Variants in ST7L observed in about 807,000 individuals in gnomAD.
The protein encoded by ST7L is suppressor of tumorigenicity 7 protein-like.
ST7L carries 57 observed loss-of-function variants against 72.5 expected under a neutral mutation model. That is an observed-to-expected ratio of 0.79 (90% CI 0.64 to 0.98). The LOEUF is 0.98. Ranked by LOEUF, ST7L falls within the 50% of genes least tolerant of loss-of-function variation. ST7L has a pLI of 0.00. For synonymous variants in ST7L, 221 were observed against 240.9 expected, an observed-to-expected ratio of 0.92 and a Z score of 0.77; for missense variants, 576 against 672.2, an observed-to-expected ratio of 0.86 and a Z score of 1.58.
intron 3 of ST7L, among the ~76,000 whole-genome samples, chr1:112,605,934 T>C (rs980732511): frequency 6.6e-6 from 1 of 152,218 alleles, no homozygotes; most frequent in Non-Finnish European, 1.5e-5. Context: ...TCATTCTTCC[T>C]TTTCTTTGAA....
chr1:112,592,024 GTCTT>G (rs572360795), intron 5 of ST7L, among the ~76,000 whole-genome samples: 1 of 151,682 alleles, frequency 6.6e-6, no homozygotes, highest in East Asian at 1.9e-4. Flanking sequence ...TAAAAACAAA[GTCTT>G]TGTCTAATGA....
chr1:112,562,780 C>T (rs189124864), intron 11 of ST7L, among the ~76,000 whole-genome samples: 15 of 152,238 alleles, frequency 9.9e-5, no homozygotes, highest in African/African-American at 3.6e-4. Flanking sequence ...CAATCGGGAA[C>T]AAGCAGAGGT....
intron 8 of ST7L, 34 bp from the exon 9 acceptor site, chr1:112,582,140 A>G: frequency 6.8e-7 from 1 of 1,472,344 alleles, no homozygotes; most frequent in Non-Finnish European, 9.4e-7. Context: ...GATTAAAATC[A>G]TAACAAAGGA....
rs1490801387 is a variant in ST7L, at chr1:112,617,777, C to G, written c.206-882G>C. 1.3e-5 allele frequency among the ~76,000 whole-genome samples: 2 copies of G among 150,614 alleles called. 1 individual carries two copies. Among genetic ancestry groups the G allele is most frequent in the East Asian group, 3.9e-4 (2 of 5,128 alleles). ...CACACGAAACGTAAAAAAGAAAAAT[C>G]TATAGTAATCAACTATTCTCATCTA... On this transcript the variant is annotated intron_variant, in intron 1 of 14. Transcript: ENST00000358039.
intron 9 of ST7L, among the ~76,000 whole-genome samples, chr1:112,578,920 G>A (rs1305977619): frequency 6.6e-6 from 1 of 152,222 alleles, no homozygotes; most frequent in Non-Finnish European, 1.5e-5. Flanking sequence ...TGAAAAAGCT[G>A]AATCTGAATC....
In ST7L at chr1:112,537,461, CTT is replaced by C. The variant is rs1251686350; in HGVS notation, c.1629+4488_1629+4489del. Among the ~76,000 whole-genome samples the C allele has an allele frequency of 3.9e-5, 6 of 152,274 alleles. No individual in the cohort carries two copies. In the South Asian group the frequency reaches 8.3e-4, roughly 21 times the overall value. On this transcript the variant is annotated intron_variant, in intron 14 of 14. Coordinates refer to ENST00000358039, the MANE Select transcript of ST7L (RefSeq NM_017744.5). The stretch of plus-strand genomic sequence containing the variant: ...TTCCCAAGCCTTGCTAAGAAGAACA[CTT>C]TTCTTGCAAGAGAAATTAAAGGGGC...
At chr1:112,574,614 A>G (rs748709551) in intron 11 of ST7L, among the ~76,000 whole-genome samples, 10 of 151,178 alleles carry the variant, frequency 6.6e-5, no homozygotes, top group African/African-American at 1.2e-4. Flanking sequence ...AGCCTAGATC[A>G]CGCCACTGCA....
At chr1:112,596,762 C>T (rs1666542477) in intron 5 of ST7L, among the ~76,000 whole-genome samples, 1 of 152,028 alleles carries the variant, frequency 6.6e-6, no homozygotes, top group South Asian at 2.1e-4. Flanking sequence ...CTCAGCCTCC[C>T]GAGTAGCTGG....
intron 11 of ST7L, among the ~76,000 whole-genome samples, chr1:112,565,942 C>T (rs560656828): frequency 6.6e-5 from 10 of 151,892 alleles, no homozygotes; most frequent in East Asian, 3.9e-4. Context: ...GCCCACCAGG[C>T]TGAGGCTGCA....
chr1:112,576,352 A>G (rs921823756), intron 11 of ST7L, among the ~76,000 whole-genome samples: 33 of 152,182 alleles, frequency 2.2e-4, no homozygotes, highest in African/African-American at 7.2e-4. Context: ...TCGGCCTCCC[A>G]AAGTGTTGAG....
Position 112,582,376 on chromosome 1 carries a change from T to C in ST7L, c.953A>G (p.Asp318Gly), listed in dbSNP as rs542543795. The C allele has an allele frequency of 1.9e-6, 3 of 1,594,976 alleles. No individual in the cohort carries two copies. The African/African-American group carries it at 4.0e-5, about 21-fold the overall frequency. ...RIREAVKIMRDLMKEFPPLTM... is the reference protein window; with the variant it reads ...RIREAVKIMRGLMKEFPPLTM... ...TAGTCCCATCATCAATTTACTTACA[T>C]CTCTCATTATTTTTACTGCTTCTCT... Residue 318 changes from aspartate (D) to glycine (G), a missense_variant and splice_region_variant, in exon 8 of 15, where the codon GAT (aspartate) becomes GGT (glycine). Transcript: ENST00000358039.
chr1:112,539,655 CAAAAAA>C (rs11372554), intron 14 of ST7L: 146 of 764,512 alleles, frequency 1.9e-4, no homozygotes, highest in South Asian at 9.7e-4. Flanking sequence ...GACTCTGTTT[CAAAAAA>C]AAAAAAAAAA....
At chr1:112,608,048 T>G (rs1280940110) in intron 3 of ST7L, among the ~76,000 whole-genome samples, 2 of 152,054 alleles carry the variant, frequency 1.3e-5, no homozygotes, top group Non-Finnish European at 2.9e-5. Flanking sequence ...GGAGAGAGGG[T>G]CTTGCTCTGT....
Position 112,541,825 on chromosome 1 carries a change from C to T in ST7L, c.1629+126G>A, listed in dbSNP as rs941640315. 6 of 1,450,550 alleles carry T rather than the reference C, an allele frequency of 4.1e-6. No homozygotes were observed. The African/African-American group carries it at 7.2e-5, about 17-fold the overall frequency. 89.9% of individuals were successfully genotyped at this position (1,450,550 alleles called of 1,614,324 possible). A position where few individuals can be genotyped will look rare whatever the true frequency, so the allele number is the denominator to read the frequency against. On this transcript the variant is annotated intron_variant, in intron 14 of 14. Coordinates refer to ENST00000358039, the MANE Select transcript of ST7L (RefSeq NM_017744.5). ...ATGTATTTATGGCAGCAACTATATA[C>T]AAATCAATTCCTTTAATTTACAACA...
chr1:112,574,732 A>C (rs1167399305), intron 11 of ST7L, among the ~76,000 whole-genome samples: 1 of 152,150 alleles, frequency 6.6e-6, no homozygotes, highest in African/African-American at 2.4e-5. Context: ...AAACATAATT[A>C]ATAAATAAGA....
At chr1:112,614,339 C>T (rs958071894) in intron 2 of ST7L, among the ~76,000 whole-genome samples, 2 of 152,184 alleles carry the variant, frequency 1.3e-5, no homozygotes, top group Non-Finnish European at 2.9e-5. Flanking sequence ...ACTCCATCCT[C>T]CCAAAGTGTT....
intron 11 of ST7L, among the ~76,000 whole-genome samples, chr1:112,572,028 A>G (rs939178949): frequency 1.3e-5 from 2 of 152,206 alleles, no homozygotes; most frequent in Non-Finnish European, 2.9e-5. Flanking sequence ...TTGTGTTAGC[A>G]GGTGTGGAAA....
intron 5 of ST7L, among the ~76,000 whole-genome samples, chr1:112,596,921 G>A (rs1334783880): frequency 1.3e-5 from 2 of 152,152 alleles, no homozygotes; most frequent in Admixed American, 1.3e-4. Context: ...ACAGGCGTGA[G>A]CCACCGCGCC....
intron 13 of ST7L, 132 bp downstream of exon 13, chr1:112,550,469 C>T: frequency 1.7e-6 from 1 of 591,512 alleles, no homozygotes; most frequent in East Asian, 2.9e-5. Flanking sequence ...AACTACATCC[C>T]AGAAGTGGCT....
Sources: allele counts gnomAD v4.1 joint callset (sites outside exome capture counted in the v4.1 genomes callset), GRCh38; gene constraint gnomAD v4.1.1; transcripts MANE v1.5; gene names NCBI Gene and HGNC (gene_info 2026-07-23, HGNC 2026-07-21).